Variants in GUCY2D observed in about 807,000 individuals in gnomAD.
The protein encoded by GUCY2D is retinal guanylyl cyclase 1.
In GUCY2D, 70 loss-of-function variants were observed where a neutral mutation model predicts 101.3. That is an observed-to-expected ratio of 0.69 (90% CI 0.57 to 0.84). The LOEUF (loss-of-function observed/expected upper bound fraction) is 0.84, where lower values mean the gene tolerates loss of function less well. Among genes scored for constraint, GUCY2D ranks in the 40% least tolerant of loss-of-function variants. The probability of loss-of-function intolerance (pLI) is 0.00; values close to 1 mark genes in which losing one functional copy is unlikely to be tolerated. For missense variants in GUCY2D, 1,460 were observed against 1,542.5 expected (o/e 0.95, Z 0.90); for synonymous variants, 688 against 670.7 (o/e 1.03, Z -0.40).
At position 8,013,932 on chromosome 17, in the gene GUCY2D, C is replaced by T. The variant is rs867825283; in HGVS notation, c.2316C>T (p.Ser772=). Residue 772 remains serine (S), a synonymous_variant, in exon 12 of 20, where the codon TCC becomes TCT. Transcript: ENST00000254854. This position sits in a 1 kb window ranked among gnomAD's most constrained non-coding sequence, Gnocchi z 5.0. Reference sequence around the variant, plus strand: ...CTCCACTGTGTCGGCCCTTGGTGTCCATGGACCAGGCACCTGTCGAGTGTA... The same window carrying T: ...CTCCACTGTGTCGGCCCTTGGTGTCTATGGACCAGGCACCTGTCGAGTGTA... ...SPPPLCRPLV[S]MDQAPVECIL... 6.2e-7 allele frequency: 1 copy of T among 1,613,324 alleles called. No homozygotes were observed. Among genetic ancestry groups the T allele is most frequent in the African/African-American group, 1.3e-5 (1 of 75,048 alleles).
In GUCY2D at chr17:8,013,493, G is replaced by T; in HGVS notation, c.2263+241G>T. On this transcript the variant is annotated intron_variant, in intron 11 of 19. Transcript: ENST00000254854. The surrounding 1 kb of genome is among the most constrained non-coding windows in gnomAD (Gnocchi z 5.0). Reference sequence around the variant, plus strand: ...TCTTTCTTGATGCTGGAACCAAACTGTTTCCACAACTGACAGAACAGACTC... The same window carrying T: ...TCTTTCTTGATGCTGGAACCAAACTTTTTCCACAACTGACAGAACAGACTC... 1 of 593,788 alleles carries T rather than the reference G, an allele frequency of 1.7e-6. No homozygotes were observed. The highest frequency in any genetic ancestry group is 1.9e-5 in the South Asian group (1 of 51,410). 36.8% of individuals were successfully genotyped at this position (593,788 alleles called of 1,614,324 possible).
rs546016309 is a variant in GUCY2D at position 8,016,393 on chromosome 17, C to T, written c.3225-50C>T. ...GAGGCAGCGATGACGTGGGCCCTGC[C>T]CTCCCACGCCCCATTCCCCTTCCCT... On this transcript the variant is annotated intron_variant, in intron 18 of 19. Transcript: ENST00000254854. The T allele has an allele frequency of 5.7e-5, 82 of 1,430,852 alleles. No homozygotes were observed. The East Asian group carries it at 1.9e-3, about 34-fold the overall frequency. The allele number at this position is 1,430,852 out of a possible 1,614,324, so 88.6% of individuals were successfully genotyped here. A position where few individuals can be genotyped will look rare whatever the true frequency, so the allele number is the denominator to read the frequency against.
At position 8,015,440 on chromosome 17, in the gene GUCY2D, G is replaced by A. The variant is rs1442036010; in HGVS notation, c.2882G>A (p.Gly961Asp). 1 of 1,613,692 alleles carries A rather than the reference G, an allele frequency of 6.2e-7. No homozygotes were observed. Among genetic ancestry groups the A allele is most frequent in the Non-Finnish European group, 8.5e-7 (1 of 1,179,816 alleles). ...NMSLDILSAV[G>D]TFRMRHMPEV... ...TCACTGGACATCCTCAGTGCCGTGG[G>A]CACTTTCCGCATGCGCCATATGCCT... Residue 961 changes from glycine (G) to aspartate (D), a missense_variant, in exon 15 of 20, where the codon GGC becomes GAC. Physicochemically the swap from Gly to Asp is moderately conservative, Grantham distance 94 (BLOSUM62 -1). Around this residue, in one of 3 missense-constraint regions of GUCY2D, gnomAD observed 215 missense variants for 227.9 expected, o/e 0.94. Coordinates refer to ENST00000254854, the MANE Select transcript of GUCY2D (RefSeq NM_000180.4).
At chr17:8,019,691 TC>T (rs1026412999) in intron 19 of GUCY2D, among the ~76,000 whole-genome samples, 1 of 152,236 alleles carries the variant, frequency 6.6e-6, no homozygotes, top group Non-Finnish European at 1.5e-5. Flanking sequence ...TGTCTTTGTG[TC>T]CCCACAGTCC....
chr17:8,012,084 A>T, intron 8 of GUCY2D, 60 bp from the exon 9 acceptor site: 2 of 1,173,288 alleles, frequency 1.7e-6, no homozygotes, highest in Non-Finnish European at 2.6e-6. Context: ...GATCTTGATT[A>T]ACAGCCCCTT....
At chr17:8,012,976 C>T in intron 10 of GUCY2D, 127 bp from the exon 11 acceptor site, 4 of 776,842 alleles carry the variant, frequency 5.1e-6, no homozygotes, top group East Asian at 2.6e-5. Context: ...CAGGGCTGGT[C>T]TCAGGTTGCA....
chr17:8,015,187 C>T (rs529726426), intron 14 of GUCY2D, 136 bp downstream of exon 14: 59 of 1,060,150 alleles, frequency 5.6e-5, no homozygotes, highest in Admixed American at 4.7e-4. Context: ...CTTATTTATT[C>T]CTCCAGTCCC....
Position 8,014,228 on chromosome 17 carries a change from A to T in GUCY2D, c.2412+200A>T, listed in dbSNP as rs74579703. ...TGGAGGCTTTTGGAGTGGGAGATAG[A>T]GTTCTGTCTGGGTGGGAGGAATATT... On this transcript the variant is annotated intron_variant, in intron 12 of 19. Transcript: ENST00000254854. The surrounding 1 kb of genome is among the most constrained non-coding windows in gnomAD (Gnocchi z 4.0). 6,299 of 638,956 alleles carry T rather than the reference A, an allele frequency of 9.9e-3. 50 individuals are homozygous for T. The highest frequency in any genetic ancestry group is 0.014 in the Non-Finnish European group (5,173 of 357,762). The allele number at this position is 638,956 out of a possible 1,614,324, so 39.6% of individuals were successfully genotyped here. A position where few individuals can be genotyped will look rare whatever the true frequency, so the allele number is the denominator to read the frequency against.
rs768465375 is a variant in GUCY2D at position 8,011,298 on chromosome 17, G to C, written c.1750-846G>C. ...GGAGGCTGAGACGGGAGAATCGCTT[G>C]AGCTCAGGATGCGGAGGTTGCAGTG... On this transcript the variant is annotated intron_variant, in intron 8 of 19. Coordinates refer to ENST00000254854, the MANE Select transcript of GUCY2D (RefSeq NM_000180.4). This position sits in a 1 kb window ranked among gnomAD's most constrained non-coding sequence, Gnocchi z 4.3. 7.2e-5 allele frequency among the ~76,000 whole-genome samples: 11 copies of C among 152,134 alleles called. No homozygotes were observed. Among genetic ancestry groups the C allele is most frequent in the Non-Finnish European group, 7.3e-5 (5 of 68,038 alleles).
Position 8,013,781 on chromosome 17 carries a change from A to G in GUCY2D, c.2264-99A>G. Reference sequence around the variant, plus strand: ...TGATGTAAAGAAACCCCTGCCAGGCACCCCCTCCCACATCTTGGTCTTCAA... The same window carrying G: ...TGATGTAAAGAAACCCCTGCCAGGCGCCCCCTCCCACATCTTGGTCTTCAA... On this transcript the variant is annotated intron_variant, in intron 11 of 19. Coordinates refer to ENST00000254854, the MANE Select transcript of GUCY2D (RefSeq NM_000180.4). The surrounding 1 kb of genome is among the most constrained non-coding windows in gnomAD (Gnocchi z 5.0). 1 of 939,612 alleles carries G rather than the reference A, an allele frequency of 1.1e-6. No homozygotes were observed. 58.2% of individuals were successfully genotyped at this position (939,612 alleles called of 1,614,324 possible). A position where few individuals can be genotyped will look rare whatever the true frequency, so the allele number is the denominator to read the frequency against.
Position 8,015,396 on chromosome 17 carries a change from G to A in GUCY2D, c.2838G>A (p.Ala946=), listed in dbSNP as rs143730352. 1.1e-5 allele frequency: 17 copies of A among 1,613,282 alleles called. No homozygotes were observed. Among genetic ancestry groups the A allele is most frequent in the Admixed American group, 3.3e-5 (2 of 60,018 alleles). Residue 946 remains alanine (A), a synonymous_variant, in exon 15 of 20, where the codon GCG becomes GCA. Transcript: ENST00000254854. ...GLPQRNGQRH[A]AEIANMSLDI... ...CCCAGCGGAATGGGCAGCGACACGCGGCAGAGATCGCCAACATGTCACTGG... is the reference window on the plus strand; with the variant it reads ...CCCAGCGGAATGGGCAGCGACACGCAGCAGAGATCGCCAACATGTCACTGG...
chr17:8,017,287 C>T (rs912184383), intron 19 of GUCY2D, among the ~76,000 whole-genome samples: 16 of 151,576 alleles, frequency 1.1e-4, no homozygotes, highest in Admixed American at 8.5e-4. Context: ...TGGCCCTCAC[C>T]CCCAGGAGCC....
Position 8,015,067 on chromosome 17 carries a change from G to A in GUCY2D, c.2769+16G>A, listed in dbSNP as rs773211045. Reference sequence around the variant, plus strand: ...TGTCTACAAGGTGCAGTGTGTAGGGGACAAGCCCTCCTGACCTTCAATTCA... The same window carrying A: ...TGTCTACAAGGTGCAGTGTGTAGGGAACAAGCCCTCCTGACCTTCAATTCA... On this transcript the variant is annotated intron_variant, in intron 14 of 19. Transcript: ENST00000254854. The A allele has an allele frequency of 1.9e-6, 3 of 1,606,896 alleles. No individual in the cohort carries two copies. Among genetic ancestry groups the A allele is most frequent in the Admixed American group, 1.7e-5 (1 of 59,722 alleles).
At position 8,004,051 on chromosome 17, in the gene GUCY2D, C is replaced by A. The variant is rs148136213; in HGVS notation, c.921C>A (p.Ala307=). 8 of 1,609,594 alleles carry A rather than the reference C, an allele frequency of 5.0e-6. No homozygotes were observed. The highest frequency in any genetic ancestry group is 6.8e-6 in the Non-Finnish European group (8 of 1,179,912). ...CCCAGCTTCGCAGGGCCCACGATGC[C>A]GTGCTCACCCTCACGCGCCACTGTC... ...NSSQLRRAHD[A]VLTLTRHCPS... is the part of the protein sequence containing the mutation. Residue 307 remains alanine (A), a synonymous_variant, in exon 3 of 20, where the codon GCC becomes GCA. Coordinates refer to ENST00000254854, the MANE Select transcript of GUCY2D (RefSeq NM_000180.4).
At chr17:8,009,625 G>A (rs760681687) in intron 8 of GUCY2D, 39 bp downstream of exon 8, 7 of 1,316,250 alleles carry the variant, frequency 5.3e-6, no homozygotes, top group Non-Finnish European at 7.7e-6. Flanking sequence ...GGTGGCCATC[G>A]GTTTCTCCCT....
chr17:8,003,144 C>G lies in GUCY2D; in HGVS notation c.97C>G (p.Leu33Val). The G allele has an allele frequency of 2.0e-6, 3 of 1,509,164 alleles. No individual in the cohort carries two copies. Among genetic ancestry groups the G allele is most frequent in the Non-Finnish European group, 2.6e-6 (3 of 1,134,412 alleles). 93.5% of individuals were successfully genotyped at this position (1,509,164 alleles called of 1,614,324 possible). Residue 33 changes from leucine (L) to valine (V), a missense_variant, in exon 2 of 20, where the codon CTG (leucine) becomes GTG (valine). Around this residue, in one of 3 missense-constraint regions of GUCY2D, gnomAD observed 1,196 missense variants for 1,229.6 expected, o/e 0.97. Transcript: ENST00000254854. ...GTCCCTGCCCCGCCTCCCCCGGGCC[C>G]TGCCCCGGCTCCCGCTCCTGCTGCT... The part of the protein sequence containing the change: ...APSLPRLPRA[L>V]PRLPLLLLLL...
chr17:8,012,156 C>A lies in GUCY2D; in HGVS notation c.1762C>A (p.Arg588=). The part of the protein sequence containing the change: ...KTAFSKLQEL[R]HENVALYLGL... ...CTCCCCCTCTCAGCTCCAGGAGCTC[C>A]GGCATGAGAACGTGGCCCTCTACCT... is the stretch of plus-strand genomic sequence containing the variant. The change falls in exon 9 of 20, where the codon CGG becomes AGG. Residue 588 remains arginine (R), a synonymous_variant. Coordinates refer to ENST00000254854, the MANE Select transcript of GUCY2D (RefSeq NM_000180.4). 1 of 1,613,380 alleles carries A rather than the reference C, an allele frequency of 6.2e-7. No homozygotes were observed. The highest frequency in any genetic ancestry group is 1.7e-4 in the Middle Eastern group (1 of 5,758).
rs746361123 is a variant in GUCY2D, at chr17:8,012,492, C to T, written c.1999C>T (p.Leu667=). 1 of 1,614,082 alleles carries T rather than the reference C, an allele frequency of 6.2e-7. No individual in the cohort carries two copies. The highest frequency in any genetic ancestry group is 1.7e-5 in the Admixed American group (1 of 60,012). ...LHHRGVAHGR[L]KSRNCIVDGR... The stretch of plus-strand genomic sequence containing the variant: ...CCATCGAGGCGTGGCTCATGGGCGG[C>T]TGAAGTCACGGAACTGCATAGTGGA... The change falls in exon 10 of 20, where the codon CTG becomes TTG. Residue 667 remains leucine, a synonymous_variant. Coordinates refer to ENST00000254854, the MANE Select transcript of GUCY2D (RefSeq NM_000180.4).
At chr17:8,016,334 C>T in intron 18 of GUCY2D, 44 bp downstream of exon 18, 2 of 1,460,908 alleles carry the variant, frequency 1.4e-6, no homozygotes, top group South Asian at 1.2e-5. Flanking sequence ...CGAGGGACCC[C>T]TGCCTCCTGC....
Sources: gnomAD v4.1 joint callset for allele counts (sites outside exome capture counted in the v4.1 genomes callset) on GRCh38, gnomAD v4.1.1 for gene constraint, gnomAD v4.1.1 regional missense constraint, Gnocchi (gnomAD v3.1) non-coding constraint, MANE v1.5 for transcripts, NCBI Gene and HGNC (gene_info 2026-07-23, HGNC 2026-07-21) for gene names.